The following ERVMER34-1 variants were observed in gnomAD, a reference collection of about 807,000 sequenced individuals.
ERVMER34-1 encodes the protein endogenous retroviral envelope protein HEMO.
For synonymous variants in ERVMER34-1, 199 were observed against 111.7 expected (o/e 1.78, Z -4.93); for missense variants, 471 against 295.1 (o/e 1.60, Z -4.37).
At position 52,742,595 on chromosome 4, in the gene ERVMER34-1, A is replaced by T. The variant is rs1716044978; in HGVS notation, c.*1234T>A. ...TTTATTTGCAAATACATACACATAT[A>T]CATATCATTTCCCCTTTTTTAAAAT... is the stretch of plus-strand genomic sequence containing the variant. On this transcript the variant is annotated 3_prime_UTR_variant, in exon 3 of 3. Transcript: ENST00000443173. The T allele has an allele frequency of 6.6e-6, 1 of 152,152 alleles. No homozygotes were observed. The highest frequency in any genetic ancestry group is 2.4e-5 in the African/African-American group (1 of 41,426). 9.4% of individuals were successfully genotyped at this position (152,152 alleles called of 1,614,324 possible). A position where few individuals can be genotyped will look rare whatever the true frequency, so the allele number is the denominator to read the frequency against.
chr4:52,746,109 G>C (rs945397827), intron 2 of ERVMER34-1, among the ~76,000 whole-genome samples, 166 bp from the exon 3 acceptor site: 1 of 152,230 alleles, frequency 6.6e-6, no homozygotes, highest in Non-Finnish European at 1.5e-5. Context: ...AGAGATGCCA[G>C]TAGGCACAGA....
chr4:52,747,942 C>A lies in ERVMER34-1; in HGVS notation c.-423-1999G>T, dbSNP rs1408304696. ...ATCCCAGCTACTCGGGAGGCTGAGGCAGGAGAATGGCATGAACCTGGGAGG... is the reference window on the plus strand; with the variant it reads ...ATCCCAGCTACTCGGGAGGCTGAGGAAGGAGAATGGCATGAACCTGGGAGG... On this transcript the variant is annotated intron_variant, in intron 2 of 2. Transcript: ENST00000443173. 2.0e-5 allele frequency among the ~76,000 whole-genome samples: 3 copies of A among 152,176 alleles called. No individual in the cohort carries two copies. In the East Asian group the frequency reaches 5.8e-4, roughly 29 times the overall value.
In ERVMER34-1 at chr4:52,744,845, C is replaced by A; in HGVS notation, c.676G>T (p.Asp226Tyr). The A allele has an allele frequency of 1.4e-6, 1 of 704,114 alleles. No homozygotes were observed. The allele number at this position is 704,114 out of a possible 1,614,324, so 43.6% of individuals were successfully genotyped here. The change falls in exon 3 of 3, where the codon GAC becomes TAC. Residue 226 changes from aspartate (D) to tyrosine (Y), a missense_variant. Transcript: ENST00000443173. Reference sequence around the variant, plus strand: ...TTTTGGCAGCTATAGAGACAGGTGTCATTACCTGACCAGGTCAATCCAGAA... The same window carrying A: ...TTTTGGCAGCTATAGAGACAGGTGTAATTACCTGACCAGGTCAATCCAGAA... The part of the protein sequence containing the change: ...RNSGLTWSGN[D>Y]TCLYSCQNQT...
chr4:52,744,065 A>T lies in ERVMER34-1; in HGVS notation c.1456T>A (p.Trp486Arg), dbSNP rs1189299113. 1.4e-6 allele frequency: 1 copy of T among 704,990 alleles called. No individual in the cohort carries two copies. Among genetic ancestry groups the T allele is most frequent in the South Asian group, 1.5e-5 (1 of 67,618 alleles). 43.7% of individuals were successfully genotyped at this position (704,990 alleles called of 1,614,324 possible). ...AGCACATAGCCCCATGATCTGAACCAGTCTCCCACTTTTGCAAATATGCCT... is the reference window on the plus strand; with the variant it reads ...AGCACATAGCCCCATGATCTGAACCTGTCTCCCACTTTTGCAAATATGCCT... ...WQGIFAKVGD[W>R]FRSWGYVLLI... is the part of the protein sequence containing the mutation. Residue 486 changes from tryptophan (W) to arginine (R), a missense_variant, in exon 3 of 3, where the codon TGG becomes AGG. Coordinates refer to ENST00000443173, the MANE Select transcript of ERVMER34-1 (RefSeq NM_001242690.2).
intron 2 of ERVMER34-1, chr4:52,748,170 A>G: frequency 4.1e-6 from 1 of 245,174 alleles, no homozygotes; most frequent in Non-Finnish European, 8.0e-6. Context: ...TGCATTAAGC[A>G]GAAGGGTTAA....
At position 52,743,250 on chromosome 4, in the gene ERVMER34-1, A is replaced by G. The variant is rs1027281808; in HGVS notation, c.*579T>C. 6.6e-6 allele frequency: 1 copy of G among 152,254 alleles called. No homozygotes were observed. Among genetic ancestry groups the G allele is most frequent in the Non-Finnish European group, 1.5e-5 (1 of 68,082 alleles). The allele number at this position is 152,254 out of a possible 1,614,324, so 9.4% of individuals were successfully genotyped here. On this transcript the variant is annotated 3_prime_UTR_variant, in exon 3 of 3. Coordinates refer to ENST00000443173, the MANE Select transcript of ERVMER34-1 (RefSeq NM_001242690.2). ...GGGAAATCAGGAAAGCTCAGATCAT[A>G]CCAGCCTAAATTATTTGTGGCTTTC...
rs762064302 is a variant in ERVMER34-1, at chr4:52,743,756, C to T, written c.*73G>A. ...AGGAGGGTTTTGGCAGCTGAATTCT[C>T]GGTAAGACCTGCTTTACTCATCAAA... On this transcript the variant is annotated 3_prime_UTR_variant, in exon 3 of 3. Transcript: ENST00000443173. 20 of 1,378,062 alleles carry T rather than the reference C, an allele frequency of 1.5e-5. No individual in the cohort carries two copies. The highest frequency in any genetic ancestry group is 9.4e-5 in the South Asian group (6 of 63,630). The allele number at this position is 1,378,062 out of a possible 1,614,324, so 85.4% of individuals were successfully genotyped here. A position where few individuals can be genotyped will look rare whatever the true frequency, so the allele number is the denominator to read the frequency against.
At chr4:52,750,814 A>C (rs1304511478) in intron 2 of ERVMER34-1, 116 bp downstream of exon 2, 1 of 152,454 alleles carries the variant, frequency 6.6e-6, no homozygotes, top group Non-Finnish European at 1.5e-5. Flanking sequence ...TTCAGAGCAC[A>C]GCCTCTATTG....
Position 52,745,363 on chromosome 4 carries a change from G to GC in ERVMER34-1, c.157dup (p.Ala53GlyfsTer26), listed in dbSNP as rs1429542389. 1.4e-6 allele frequency: 1 copy of GC among 704,052 alleles called. No homozygotes were observed. The highest frequency in any genetic ancestry group is 1.7e-5 in the African/African-American group (1 of 57,354). The allele number at this position is 704,052 out of a possible 1,614,324, so 43.6% of individuals were successfully genotyped here. On this transcript the variant is annotated frameshift_variant, in exon 3 of 3. Transcript: ENST00000443173. LOFTEE classifies it low-confidence loss of function (END_TRUNC). The stretch of plus-strand genomic sequence containing the variant: ...AACAAAAACTAGTTCGGGTTGTTCT[G>GC]CATTATCTAGATGTTCACATAACCA...
In ERVMER34-1 at chr4:52,745,617, T is replaced by C; in HGVS notation, c.-97A>G. 1.6e-6 allele frequency: 1 copy of C among 627,040 alleles called. No individual in the cohort carries two copies. The highest frequency in any genetic ancestry group is 2.9e-6 in the Non-Finnish European group (1 of 350,618). 38.8% of individuals were successfully genotyped at this position (627,040 alleles called of 1,614,324 possible). A position where few individuals can be genotyped will look rare whatever the true frequency, so the allele number is the denominator to read the frequency against. ...GTTTAAATTTCTAAGTCAGAGAATT[T>C]TCCAGGTTGAGGAGGGAAGATGTTT... On this transcript the variant is annotated 5_prime_UTR_variant, in exon 3 of 3. Coordinates refer to ENST00000443173, the MANE Select transcript of ERVMER34-1 (RefSeq NM_001242690.2).
rs74336454 is a variant in ERVMER34-1 at position 52,743,537 on chromosome 4, A to T, written c.*292T>A. The T allele has an allele frequency of 6.1e-3, 1,552 of 255,262 alleles. 18 individuals are homozygous for T. Among genetic ancestry groups the T allele is most frequent in the African/African-American group, 0.031 (1,388 of 45,154 alleles). 15.8% of individuals were successfully genotyped at this position (255,262 alleles called of 1,614,324 possible). A position where few individuals can be genotyped will look rare whatever the true frequency, so the allele number is the denominator to read the frequency against. On this transcript the variant is annotated 3_prime_UTR_variant, in exon 3 of 3. Coordinates refer to ENST00000443173, the MANE Select transcript of ERVMER34-1 (RefSeq NM_001242690.2). ...GCAAATTAACAGATCAATAGAAAAAACATTTATTATATATGCATGCAAGAA... is the reference window on the plus strand; with the variant it reads ...GCAAATTAACAGATCAATAGAAAAATCATTTATTATATATGCATGCAAGAA...
rs1716070100 is a variant in ERVMER34-1 at position 52,743,758 on chromosome 4, G to A, written c.*71C>T. Reference sequence around the variant, plus strand: ...GAGGGTTTTGGCAGCTGAATTCTCGGTAAGACCTGCTTTACTCATCAAAGT... The same window carrying A: ...GAGGGTTTTGGCAGCTGAATTCTCGATAAGACCTGCTTTACTCATCAAAGT... On this transcript the variant is annotated 3_prime_UTR_variant, in exon 3 of 3. Coordinates refer to ENST00000443173, the MANE Select transcript of ERVMER34-1 (RefSeq NM_001242690.2). The A allele has an allele frequency of 2.2e-6, 3 of 1,389,542 alleles. No individual in the cohort carries two copies. The highest frequency in any genetic ancestry group is 2.9e-5 in the African/African-American group (2 of 68,688). 86.1% of individuals were successfully genotyped at this position (1,389,542 alleles called of 1,614,324 possible). A position where few individuals can be genotyped will look rare whatever the true frequency, so the allele number is the denominator to read the frequency against.
intron 2 of ERVMER34-1, among the ~76,000 whole-genome samples, chr4:52,748,682 C>A (rs1423102753): frequency 2.6e-5 from 4 of 152,136 alleles, no homozygotes; most frequent in African/African-American, 7.2e-5. Flanking sequence ...CCAGGCATAA[C>A]CACAGAAACC....
At position 52,743,992 on chromosome 4, in the gene ERVMER34-1, C is replaced by T. The variant is rs1023887819; in HGVS notation, c.1529G>A (p.Arg510His). 10 of 737,240 alleles carry T rather than the reference C, an allele frequency of 1.4e-5. No homozygotes were observed. Among genetic ancestry groups the T allele is most frequent in the Admixed American group, 6.0e-5 (3 of 50,008 alleles). 45.7% of individuals were successfully genotyped at this position (737,240 alleles called of 1,614,324 possible). A position where few individuals can be genotyped will look rare whatever the true frequency, so the allele number is the denominator to read the frequency against. Reference protein sequence around the residue: ...CLFIFVLIYVRVFRKSRRSLN... With the variant: ...CLFIFVLIYVHVFRKSRRSLN... The stretch of plus-strand genomic sequence containing the variant: ...GGATCTGCGAGATTTGCGAAAGACA[C>T]GAACATAGATTAAAACAAAGATGAA... Residue 510 changes from arginine to histidine, a missense_variant, in exon 3 of 3, where the codon CGT becomes CAT. Physicochemically the swap from Arg to His is conservative, Grantham distance 29. Coordinates refer to ENST00000443173, the MANE Select transcript of ERVMER34-1 (RefSeq NM_001242690.2).
In ERVMER34-1 at chr4:52,744,264, T is replaced by G. The variant is rs1181681751; in HGVS notation, c.1257A>C (p.Ala419=). 1.4e-6 allele frequency: 1 copy of G among 704,074 alleles called. No individual in the cohort carries two copies. Among genetic ancestry groups the G allele is most frequent in the African/African-American group, 1.7e-5 (1 of 57,270 alleles). The allele number at this position is 704,074 out of a possible 1,614,324, so 43.6% of individuals were successfully genotyped here. ...HQSKVSSLAS[A]SRKDHVLDIP... is the part of the protein sequence containing the mutation. Reference sequence around the variant, plus strand: ...TATCCAAGACATGATCCTTTCGGGATGCAGAGGCTAAACTGCTAACTTTTG... The same window carrying G: ...TATCCAAGACATGATCCTTTCGGGAGGCAGAGGCTAAACTGCTAACTTTTG... Residue 419 remains alanine, a synonymous_variant, in exon 3 of 3, where the codon GCA becomes GCC. Coordinates refer to ENST00000443173, the MANE Select transcript of ERVMER34-1 (RefSeq NM_001242690.2).
rs899322346 is a variant in ERVMER34-1 at position 52,742,589 on chromosome 4, A to C, written c.*1240T>G. On this transcript the variant is annotated 3_prime_UTR_variant, in exon 3 of 3. Coordinates refer to ENST00000443173, the MANE Select transcript of ERVMER34-1 (RefSeq NM_001242690.2). ...TCCTGTTTTATTTGCAAATACATAC[A>C]CATATACATATCATTTCCCCTTTTT... is the stretch of plus-strand genomic sequence containing the variant. 2.0e-5 allele frequency: 3 copies of C among 152,182 alleles called. No individual in the cohort carries two copies. The highest frequency in any genetic ancestry group is 7.2e-5 in the African/African-American group (3 of 41,446). The allele number at this position is 152,182 out of a possible 1,614,324, so 9.4% of individuals were successfully genotyped here. A position where few individuals can be genotyped will look rare whatever the true frequency, so the allele number is the denominator to read the frequency against.
At chr4:52,748,258 C>A (rs772538459) in intron 2 of ERVMER34-1, 1 of 185,986 alleles carries the variant, frequency 5.4e-6, no homozygotes, top group East Asian at 1.4e-4. Flanking sequence ...GGAGTCACAG[C>A]TGAACAAATT....
intron 2 of ERVMER34-1, among the ~76,000 whole-genome samples, chr4:52,747,343 T>C (rs985195254): frequency 3.3e-5 from 5 of 152,168 alleles, no homozygotes; most frequent in African/African-American, 1.2e-4. Flanking sequence ...GAGCATGTCT[T>C]TGATATACAA....
chr4:52,749,183 T>C (rs1177224972), intron 2 of ERVMER34-1, among the ~76,000 whole-genome samples: 1 of 152,160 alleles, frequency 6.6e-6, no homozygotes, highest in Admixed American at 6.5e-5. Context: ...ATATTTTTCA[T>C]GTCAGTTGGA....
Sources: gnomAD v4.1 joint callset for allele counts (sites outside exome capture counted in the v4.1 genomes callset) on GRCh38, gnomAD v4.1.1 for gene constraint, MANE v1.5 for transcripts, NCBI Gene and HGNC (gene_info 2026-07-23, HGNC 2026-07-21) for gene names.